Variants in CPN2 observed in about 807,000 individuals in gnomAD.
The protein encoded by CPN2 is carboxypeptidase N 83 kDa chain.
For missense variants in CPN2, 620 were observed against 671.4 expected, an observed-to-expected ratio of 0.92 and a Z score of 0.85; for synonymous variants, 336 against 318.4, an observed-to-expected ratio of 1.06 and a Z score of -0.59.
chr3:194,346,292 C>T lies in CPN2; in HGVS notation c.-3-3587G>A, dbSNP rs376565442. ...AGGCCGGGGTCCTGGGTACCCAGAG[C>T]ATGGTTTAAAATGGGGGCACAGCCT... On this transcript the variant is annotated intron_variant, in intron 1 of 1. Coordinates refer to ENST00000323830, the MANE Select transcript of CPN2 (RefSeq NM_001080513.4). 3.7e-4 allele frequency among the ~76,000 whole-genome samples: 56 copies of T among 152,194 alleles called. 1 individual carries two copies. The highest frequency in any genetic ancestry group is 4.8e-5 in the African/African-American group (2 of 41,450).
chr3:194,342,396 C>T lies in CPN2; in HGVS notation c.307G>A (p.Glu103Lys), dbSNP rs1401989199. Reference protein sequence around the residue: ...FGGLPRLEDLEVTGSSFLNLS... With the variant: ...FGGLPRLEDLKVTGSSFLNLS... ...TTCAAGAAGCTACTGCCTGTGACCTCCAGGTCCTCCAGCCTGGGCAGCCCC... is the reference window on the plus strand; with the variant it reads ...TTCAAGAAGCTACTGCCTGTGACCTTCAGGTCCTCCAGCCTGGGCAGCCCC... Residue 103 changes from glutamate to lysine, a missense_variant, in exon 2 of 2, where the codon GAG (glutamate) becomes AAG (lysine). By Grantham distance (56) the Glu-to-Lys change is moderately conservative (BLOSUM62 1). Coordinates refer to ENST00000323830, the MANE Select transcript of CPN2 (RefSeq NM_001080513.4). The T allele has an allele frequency of 2.5e-6, 4 of 1,613,998 alleles. No homozygotes were observed. The highest frequency in any genetic ancestry group is 1.6e-4 in the Middle Eastern group (1 of 6,084).
Position 194,341,290 on chromosome 3 carries a change from A to C in CPN2, c.1413T>G (p.Ala471=), listed in dbSNP as rs761593304. ...ESKAGGSWDL[A]VQERAARSQC... ...GGCTCCGGGCTGCCCTTTCCTGCAC[A>C]GCCAGATCCCAGCTGCCCCCTGCCT... Residue 471 remains alanine (A), a synonymous_variant, in exon 2 of 2, where the codon GCT becomes GCG. Transcript: ENST00000323830. 6.2e-7 allele frequency: 1 copy of C among 1,613,520 alleles called. No homozygotes were observed. The highest frequency in any genetic ancestry group is 8.5e-7 in the Non-Finnish European group (1 of 1,179,922).
chr3:194,342,648 C>T lies in CPN2; in HGVS notation c.55G>A (p.Ala19Thr). The part of the protein sequence containing the change: ...WTSLLLLARP[A>T]QPCPMGCDCF... ...TCACAACCCATGGGACAGGGCTGGG[C>T]AGGCCTGGCCAGGAGCAGGAGGGAG... is the stretch of plus-strand genomic sequence containing the variant. Residue 19 changes from alanine to threonine, a missense_variant, in exon 2 of 2, where the codon GCC (alanine) becomes ACC (threonine). Transcript: ENST00000323830. The T allele has an allele frequency of 1.2e-6, 2 of 1,603,456 alleles. No homozygotes were observed. The highest frequency in any genetic ancestry group is 1.7e-6 in the Non-Finnish European group (2 of 1,172,650).
In CPN2 at chr3:194,342,430, A is replaced by G. The variant is rs1015026523; in HGVS notation, c.273T>C (p.Asp91=). 3 of 1,614,102 alleles carry G rather than the reference A, an allele frequency of 1.9e-6. No homozygotes were observed. In the African/African-American group the frequency reaches 4.0e-5, roughly 22 times the overall value. The stretch of plus-strand genomic sequence containing the variant: ...CCAGCCTGGGCAGCCCCCCGAAGGC[A>G]TCCGGCCTAAACTGGCAGAGCTGAG... The part of the protein sequence containing the change: ...LNTQLCQFRP[D]AFGGLPRLED... Residue 91 remains aspartate, a synonymous_variant, in exon 2 of 2, where the codon GAT becomes GAC. Coordinates refer to ENST00000323830, the MANE Select transcript of CPN2 (RefSeq NM_001080513.4).
intron 1 of CPN2, among the ~76,000 whole-genome samples, chr3:194,350,254 C>G (rs9811366): frequency 1.9e-4 from 29 of 152,246 alleles, no homozygotes; most frequent in African/African-American, 6.5e-4. Flanking sequence ...CAGCACCTGG[C>G]TCGGGGCCAG....
chr3:194,342,692 C>A lies in CPN2; in HGVS notation c.11G>T (p.Gly4Val). The change falls in exon 2 of 2, where the codon GGA (glycine) becomes GTA (valine). Residue 4 changes from glycine to valine, a missense_variant. Transcript: ENST00000323830. MLP[G>V]AWLLWTSLLL... ...GAGGGAGGTCCAGAGCAGCCAGGCT[C>A]CAGGGAGCATCTTCTAGATTCGAGG... 7.1e-7 allele frequency: 1 copy of A among 1,414,100 alleles called. No individual in the cohort carries two copies. Among genetic ancestry groups the A allele is most frequent in the South Asian group, 1.2e-5 (1 of 82,682 alleles). The allele number at this position is 1,414,100 out of a possible 1,614,324, so 87.6% of individuals were successfully genotyped here.
In CPN2 at chr3:194,341,259, T is replaced by C. The variant is rs1712802244; in HGVS notation, c.1444A>G (p.Thr482Ala). The stretch of plus-strand genomic sequence containing the variant: ...ACGGTGCCCTCGGGGTTGCTGTAGG[T>C]GCACTGGCTCCGGGCTGCCCTTTCC... ...VQERAARSQC[T>A]YSNPEGTVVL... Residue 482 changes from threonine to alanine, a missense_variant, in exon 2 of 2, where the codon ACC becomes GCC. Thr to Ala is a moderately conservative substitution (Grantham distance 58). Coordinates refer to ENST00000323830, the MANE Select transcript of CPN2 (RefSeq NM_001080513.4). 6.2e-7 allele frequency: 1 copy of C among 1,613,326 alleles called. No individual in the cohort carries two copies. The highest frequency in any genetic ancestry group is 1.3e-5 in the African/African-American group (1 of 74,950).
At chr3:194,343,207 C>T (rs945604344) in intron 1 of CPN2, among the ~76,000 whole-genome samples, 22 of 152,204 alleles carry the variant, frequency 1.4e-4, no homozygotes, top group African/African-American at 5.3e-4. Context: ...CGGCGAGACC[C>T]GAGGAGATTT....
Position 194,342,073 on chromosome 3 carries a change from C to G in CPN2, c.630G>C (p.Gln210His), listed in dbSNP as rs1712858687. The G allele has an allele frequency of 6.2e-7, 1 of 1,614,058 alleles. No homozygotes were observed. The highest frequency in any genetic ancestry group is 1.1e-5 in the South Asian group (1 of 91,090). ...LSNNALSGLP[Q>H]GVFGKLGSLQ... ...GGCTGCCCAGTTTGCCAAACACACC[C>G]TGGGGGAGACCAGAGAGCGCGTTGT... is the stretch of plus-strand genomic sequence containing the variant. The change falls in exon 2 of 2, where the codon CAG becomes CAC. Residue 210 changes from glutamine (Q) to histidine (H), a missense_variant. Gln to His is a conservative substitution (Grantham distance 24). Coordinates refer to ENST00000323830, the MANE Select transcript of CPN2 (RefSeq NM_001080513.4).
In CPN2 at chr3:194,349,778, C is replaced by T. The variant is rs866015247; in HGVS notation, c.-4+1464G>A. ...ATGAAGCCTTCCTGACTACCCTCTT[C>T]TTTTTTTTTTTTTTTTTTTTTTTTT... On this transcript the variant is annotated intron_variant, in intron 1 of 1. Coordinates refer to ENST00000323830, the MANE Select transcript of CPN2 (RefSeq NM_001080513.4). 5.9e-3 allele frequency among the ~76,000 whole-genome samples: 386 copies of T among 65,500 alleles called. 8 individuals are homozygous for T. The highest frequency in any genetic ancestry group is 0.021 in the African/African-American group (331 of 16,146). 43.0% of individuals were successfully genotyped at this position (65,500 alleles called of 152,430 possible).
chr3:194,345,629 T>C (rs1226611914), intron 1 of CPN2, among the ~76,000 whole-genome samples: 1 of 152,246 alleles, frequency 6.6e-6, no homozygotes, highest in Non-Finnish European at 1.5e-5. Context: ...CGCTGGGGCC[T>C]GTGGGTCCCG....
rs759367695 is a variant in CPN2 at position 194,341,457 on chromosome 3, G to T, written c.1246C>A (p.Arg416=). The change falls in exon 2 of 2, where the codon CGG becomes AGG. Residue 416 remains arginine (R), a synonymous_variant. Coordinates refer to ENST00000323830, the MANE Select transcript of CPN2 (RefSeq NM_001080513.4). ...LFNWLQQYTD[R]LLNIQTYCAG... Reference sequence around the variant, plus strand: ...CAGTAGGTCTGGATGTTCAGGAGCCGATCGGTGTACTGCTGCAGCCAGTTG... The same window carrying T: ...CAGTAGGTCTGGATGTTCAGGAGCCTATCGGTGTACTGCTGCAGCCAGTTG... 1 of 1,614,228 alleles carries T rather than the reference G, an allele frequency of 6.2e-7. No individual in the cohort carries two copies. Among genetic ancestry groups the T allele is most frequent in the East Asian group, 2.2e-5 (1 of 44,892 alleles).
chr3:194,341,164 C>T lies in CPN2; in HGVS notation c.1539G>A (p.Leu513=). The change falls in exon 2 of 2, where the codon CTG becomes CTA. Residue 513 remains leucine, a synonymous_variant. Coordinates refer to ENST00000323830, the MANE Select transcript of CPN2 (RefSeq NM_001080513.4). ...CCTGACTAGCATTGTACTGCAGTCC[C>T]AGGGAGCCCTGCTGAGGAGAGAGCT... ...NVQLSPQQGS[L]GLQYNASQEW... is the part of the protein sequence containing the mutation. 4.3e-6 allele frequency: 7 copies of T among 1,613,480 alleles called. No individual in the cohort carries two copies. Among genetic ancestry groups the T allele is most frequent in the Non-Finnish European group, 5.9e-6 (7 of 1,179,964 alleles).
chr3:194,346,513 G>A (rs914863389), intron 1 of CPN2, among the ~76,000 whole-genome samples: 12 of 152,180 alleles, frequency 7.9e-5, no homozygotes, highest in East Asian at 1.9e-4. Flanking sequence ...CTCTCAGCCC[G>A]AGCCCCATCC....
chr3:194,344,179 A>G (rs922243689), intron 1 of CPN2, among the ~76,000 whole-genome samples: 3 of 152,078 alleles, frequency 2.0e-5, no homozygotes, highest in Non-Finnish European at 4.4e-5. Flanking sequence ...TGGGTTTAGG[A>G]CTCAGTGCTT....
chr3:194,341,263 C>G lies in CPN2; in HGVS notation c.1440G>C (p.Gln480His), dbSNP rs746341147. 1.2e-6 allele frequency: 2 copies of G among 1,613,446 alleles called. No homozygotes were observed. The highest frequency in any genetic ancestry group is 1.7e-6 in the Non-Finnish European group (2 of 1,179,906). ...TGCCCTCGGGGTTGCTGTAGGTGCA[C>G]TGGCTCCGGGCTGCCCTTTCCTGCA... Reference protein sequence around the residue: ...LAVQERAARSQCTYSNPEGTV... With the variant: ...LAVQERAARSHCTYSNPEGTV... Residue 480 changes from glutamine (Q) to histidine (H), a missense_variant, in exon 2 of 2, where the codon CAG becomes CAC. Physicochemically the swap from Gln to His is conservative, Grantham distance 24. Transcript: ENST00000323830.
chr3:194,343,107 G>A (rs1255570647), intron 1 of CPN2, among the ~76,000 whole-genome samples: 1 of 152,122 alleles, frequency 6.6e-6, no homozygotes, highest in Non-Finnish European at 1.5e-5. Context: ...TGGAGGGGAA[G>A]TGCAGCCACA....
chr3:194,345,925 G>A (rs948482784), intron 1 of CPN2, among the ~76,000 whole-genome samples: 1 of 152,358 alleles, frequency 6.6e-6, no homozygotes, highest in East Asian at 1.9e-4. Flanking sequence ...AAAGGAAGGA[G>A]CTCTAGGATT....
chr3:194,342,741 A>C (rs1221351709), intron 1 of CPN2, 36 bp from the exon 2 acceptor site: 1 of 915,348 alleles, frequency 1.1e-6, no homozygotes. Context: ...AGGAAGAGAA[A>C]CTTGATCATC....
Sources: gnomAD v4.1 joint callset for allele counts (sites outside exome capture counted in the v4.1 genomes callset) on GRCh38, gnomAD v4.1.1 for gene constraint, MANE v1.5 for transcripts, NCBI Gene and HGNC (gene_info 2026-07-23, HGNC 2026-07-21) for gene names.